Variants in MSH3 observed in about 807,000 individuals in gnomAD.
The protein encoded by MSH3 is DNA mismatch repair protein Msh3.
MSH3 carries 106 observed loss-of-function variants against 123.3 expected under a neutral mutation model. The observed-to-expected ratio is 0.86, with a 90% CI of 0.73 to 1.01. The LOEUF is 1.01. Among genes scored for constraint, MSH3 ranks in the 50% least tolerant of loss-of-function variants. The probability of loss-of-function intolerance (pLI) is 0.00; values close to 1 mark genes in which losing one functional copy is unlikely to be tolerated. For missense variants in MSH3, 1,459 were observed against 1,347.6 expected, an observed-to-expected ratio of 1.08 and a Z score of -1.29; for synonymous variants, 515 against 481.4, an observed-to-expected ratio of 1.07 and a Z score of -0.91.
intron 8 of MSH3, among the ~76,000 whole-genome samples, chr5:80,694,995 A>C (rs966191070): frequency 2.0e-5 from 3 of 149,616 alleles, no homozygotes; most frequent in Non-Finnish European, 4.4e-5. Flanking sequence ...AGCTTCTTGA[A>C]TCTGAAAGTT....
intron 19 of MSH3, among the ~76,000 whole-genome samples, chr5:80,796,106 T>G (rs979972901): frequency 6.6e-6 from 1 of 152,156 alleles, no homozygotes; most frequent in Non-Finnish European, 1.5e-5. Flanking sequence ...CAACTAAATA[T>G]TAGAACTATA....
At chr5:80,741,351 A>G (rs2112866654) in intron 10 of MSH3, 113 bp from the exon 11 acceptor site, 6 of 738,958 alleles carry the variant, frequency 8.1e-6, no homozygotes, top group Non-Finnish European at 1.4e-5. Context: ...TTGATTTTCT[A>G]TCAGAATGCT....
intron 8 of MSH3, among the ~76,000 whole-genome samples, chr5:80,682,105 G>C (rs1429861691): frequency 6.6e-6 from 1 of 152,094 alleles, no homozygotes; most frequent in East Asian, 1.9e-4. Context: ...AGTTAAATCT[G>C]CATTTCTGTG....
At chr5:80,794,544 T>C (rs957681910) in intron 19 of MSH3, among the ~76,000 whole-genome samples, 7 of 152,126 alleles carry the variant, frequency 4.6e-5, no homozygotes, top group African/African-American at 1.4e-4. Flanking sequence ...GGAGTAGTTA[T>C]GTGAGAGAGA....
chr5:80,675,862 C>T (rs369714383), intron 7 of MSH3, among the ~76,000 whole-genome samples: 83 of 152,208 alleles, frequency 5.5e-4, no homozygotes, highest in Middle Eastern at 6.8e-3. Flanking sequence ...TAAATTTCCT[C>T]TAGGGATTTG....
intron 10 of MSH3, among the ~76,000 whole-genome samples, chr5:80,736,497 C>T (rs114029361): frequency 0.011 from 1,679 of 152,224 alleles, 13 homozygotes; most frequent in South Asian, 0.045. Context: ...CATAGCAGGC[C>T]TAATCACAAA....
Position 80,707,843 on chromosome 5 carries a change from C to G in MSH3, c.1341-17610C>G, listed in dbSNP as rs185236290. ...TAGTTGCTCCACATTCTTGCTGACT[C>G]TTGTCAGTCTTTTAAACTTTAGCTA... is the stretch of plus-strand genomic sequence containing the variant. On this transcript the variant is annotated intron_variant, in intron 8 of 23. Transcript: ENST00000265081. 1.7e-3 allele frequency among the ~76,000 whole-genome samples: 262 copies of G among 152,280 alleles called. 2 individuals carry two copies. Among genetic ancestry groups the G allele is most frequent in the African/African-American group, 6.0e-3 (249 of 41,556 alleles).
intron 13 of MSH3, among the ~76,000 whole-genome samples, chr5:80,765,691 G>A (rs1744109954): frequency 6.6e-6 from 1 of 152,114 alleles, no homozygotes; most frequent in Non-Finnish European, 1.5e-5. Context: ...AGTCTGGACT[G>A]GTTGTCCCCA....
chr5:80,692,642 G>T (rs1168163410), intron 8 of MSH3, among the ~76,000 whole-genome samples: 1 of 104,086 alleles, frequency 9.6e-6, no homozygotes, highest in Non-Finnish European at 2.2e-5. Flanking sequence ...GTTTATATAT[G>T]TTTATATAGA....
intron 4 of MSH3, 137 bp downstream of exon 4, chr5:80,670,446 A>T (rs1300328549): frequency 8.4e-6 from 8 of 950,244 alleles, no homozygotes; most frequent in Non-Finnish European, 1.3e-5. Flanking sequence ...TGTTATGTAA[A>T]GTAAAAACTA....
intron 20 of MSH3, among the ~76,000 whole-genome samples, chr5:80,819,368 GTATATATATGTGTATA>G (rs1326335650): frequency 1.4e-5 from 1 of 69,162 alleles, no homozygotes; most frequent in African/African-American, 5.3e-5. Flanking sequence ...ATATATGTGT[GTATATATATGTGTATA>G]TATGTATATA....
chr5:80,742,513 A>T (rs566283883), intron 11 of MSH3, among the ~76,000 whole-genome samples: 5 of 152,350 alleles, frequency 3.3e-5, no homozygotes, highest in African/African-American at 1.2e-4. Flanking sequence ...GAATCATCTG[A>T]ACCATCTGAG....
chr5:80,735,639 C>T (rs1306243383), intron 10 of MSH3, among the ~76,000 whole-genome samples: 3 of 151,818 alleles, frequency 2.0e-5, no homozygotes, highest in South Asian at 2.1e-4. Flanking sequence ...TGCAGTGAGC[C>T]GACATCGTAC....
At chr5:80,769,398 G>A (rs1368630460) in intron 15 of MSH3, among the ~76,000 whole-genome samples, 1 of 151,930 alleles carries the variant, frequency 6.6e-6, no homozygotes, top group Non-Finnish European at 1.5e-5. Context: ...GTGATTAAAC[G>A]GTGGGGCTTC....
rs1180236871 is a variant in MSH3 at position 80,728,833 on chromosome 5, A to G, written c.1454-18A>G. 2 of 1,272,412 alleles carry G rather than the reference A, an allele frequency of 1.6e-6. No individual in the cohort carries two copies. The highest frequency in any genetic ancestry group is 2.4e-5 in the South Asian group (2 of 82,616). The allele number at this position is 1,272,412 out of a possible 1,614,324, so 78.8% of individuals were successfully genotyped here. ...TTAAAAGAATTTTTATAACAAGTTAATATATTCTGTTTTCTAGGTTCTCAA... is the reference window on the plus strand; with the variant it reads ...TTAAAAGAATTTTTATAACAAGTTAGTATATTCTGTTTTCTAGGTTCTCAA... On this transcript the variant is annotated intron_variant, in intron 9 of 23. Transcript: ENST00000265081.
chr5:80,737,870 A>G (rs1743541080), intron 10 of MSH3, among the ~76,000 whole-genome samples: 1 of 152,170 alleles, frequency 6.6e-6, no homozygotes, highest in South Asian at 2.1e-4. Flanking sequence ...CTGATTTAAG[A>G]TTGCCCAGTG....
intron 20 of MSH3, among the ~76,000 whole-genome samples, chr5:80,828,487 C>A (rs1745359938): frequency 6.6e-6 from 1 of 152,182 alleles, no homozygotes; most frequent in Non-Finnish European, 1.5e-5. Context: ...CTGCCCCTGG[C>A]CCCCACAAAT....
At chr5:80,803,274 A>C (rs1744824334) in intron 19 of MSH3, among the ~76,000 whole-genome samples, 1 of 152,040 alleles carries the variant, frequency 6.6e-6, no homozygotes, top group Non-Finnish European at 1.5e-5. Flanking sequence ...TGTCATTTTG[A>C]CTGGGGTGAG....
chr5:80,663,802 G>A (rs1300611458), intron 2 of MSH3, among the ~76,000 whole-genome samples: 1 of 152,010 alleles, frequency 6.6e-6, no homozygotes, highest in African/African-American at 2.4e-5. Context: ...AGCAACAAAA[G>A]CAGAGATTTA....
Sources: allele counts gnomAD v4.1 joint callset (sites outside exome capture counted in the v4.1 genomes callset), GRCh38; gene constraint gnomAD v4.1.1; transcripts MANE v1.5; gene names NCBI Gene and HGNC (gene_info 2026-07-23, HGNC 2026-07-21).